TOGARAM2: variants seen among roughly 807,000 people sequenced by gnomAD.
The protein encoded by TOGARAM2 is TOG array regulator of axonemal microtubules 2.
Under a neutral mutation model 93.3 loss-of-function variants are expected in TOGARAM2, and 85 were observed. That is an observed-to-expected ratio of 0.91 (90% CI 0.76 to 1.09). The LOEUF is 1.09. Among genes scored for constraint, TOGARAM2 ranks in the 50% least tolerant of loss-of-function variants. TOGARAM2 has a pLI of 0.00. For missense variants in TOGARAM2, 1,277 were observed against 1,334.5 expected (o/e 0.96, Z 0.67); for synonymous variants, 593 against 552.8 (o/e 1.07, Z -1.02).
At chr2:29,008,664 C>T (rs927160991) in intron 6 of TOGARAM2, among the ~76,000 whole-genome samples, 12 of 151,340 alleles carry the variant, frequency 7.9e-5, no homozygotes, top group Non-Finnish European at 1.6e-4. Context: ...ACCATGTTGC[C>T]CAGGCTTGTC....
chr2:29,027,614 C>T (rs1201446810), intron 14 of TOGARAM2, among the ~76,000 whole-genome samples: 13 of 148,660 alleles, frequency 8.7e-5, no homozygotes, highest in Non-Finnish European at 1.8e-4. Context: ...AAAAAAAATG[C>T]TAGGGGTGGT....
chr2:29,004,278 C>T (rs896996003), intron 6 of TOGARAM2, among the ~76,000 whole-genome samples: 8 of 152,166 alleles, frequency 5.3e-5, no homozygotes, highest in African/African-American at 1.9e-4. Flanking sequence ...ACACCGTGCC[C>T]GGCTATGAAT....
At chr2:28,980,502 T>C (rs1167801694), upstream of TOGARAM2, among the ~76,000 whole-genome samples, 1 of 152,220 alleles carries the variant, frequency 6.6e-6, no homozygotes, top group Non-Finnish European at 1.5e-5. Context: ...CAAGCCTGCA[T>C]ACAAATTGAG....
At chr2:29,024,402 C>T (rs369843706) in intron 13 of TOGARAM2, 28 bp downstream of exon 13, 212 of 1,306,400 alleles carry the variant, frequency 1.6e-4, no homozygotes, top group Non-Finnish European at 1.9e-4. Flanking sequence ...GTCTGAGGGG[C>T]GGGGAAGTCA....
chr2:29,033,094 G>A (rs1665870507), intron 15 of TOGARAM2, 43 bp downstream of exon 15: 1 of 1,537,598 alleles, frequency 6.5e-7, no homozygotes, highest in Non-Finnish European at 8.9e-7. Context: ...TTTGGGGGTG[G>A]GGGTGACAGT....
At chr2:29,009,542 G>T (rs566570203) in intron 6 of TOGARAM2, among the ~76,000 whole-genome samples, 2 of 151,078 alleles carry the variant, frequency 1.3e-5, no homozygotes, top group Non-Finnish European at 3.0e-5. Context: ...GGGGCGGGGC[G>T]GGATGAATGG....
At chr2:29,024,932 G>T (rs1022453174) in intron 13 of TOGARAM2, among the ~76,000 whole-genome samples, 1 of 152,164 alleles carries the variant, frequency 6.6e-6, no homozygotes, top group Admixed American at 6.5e-5. Context: ...GAAGGTATTG[G>T]GTTCCTGTTG....
intron 18 of TOGARAM2, among the ~76,000 whole-genome samples, chr2:29,038,963 C>T (rs1666274672): frequency 6.6e-6 from 1 of 152,098 alleles, no homozygotes; most frequent in Non-Finnish European, 1.5e-5. Flanking sequence ...CCAGGGAGTA[C>T]CTAGGGTAGA....
At chr2:29,010,022 A>G (rs997141162) in intron 6 of TOGARAM2, among the ~76,000 whole-genome samples, 1 of 93,582 alleles carries the variant, frequency 1.1e-5, no homozygotes, top group Non-Finnish European at 2.4e-5. Context: ...TCCCTTGCTC[A>G]GAGCAGGTGT....
chr2:29,022,984 C>T (rs1009741701), intron 11 of TOGARAM2, 102 bp from the exon 12 acceptor site: 19 of 926,532 alleles, frequency 2.1e-5, no homozygotes, highest in African/African-American at 6.6e-5. Context: ...CTGCGGGTGA[C>T]GGTGGACCGT....
At position 29,003,592 on chromosome 2, in the gene TOGARAM2, C is replaced by T. The variant is rs1192008144; in HGVS notation, c.740C>T (p.Ala247Val). The change falls in exon 6 of 20, where the codon GCA becomes GTA. Residue 247 changes from alanine (A) to valine (V), a missense_variant. Physicochemically the swap from Ala to Val is moderately conservative, Grantham distance 64. Coordinates refer to ENST00000379558, the MANE Select transcript of TOGARAM2 (RefSeq NM_199280.4). ...IPPIPKARTV[A>V]ATPSRVPGSL... is the part of the protein sequence containing the mutation. ...CCCATCCCAAAGGCCAGGACGGTTG[C>T]AGCGACCCCCTCCCGTGTGCCTGGC... 6.3e-7 allele frequency: 1 copy of T among 1,595,764 alleles called. No individual in the cohort carries two copies. Among genetic ancestry groups the T allele is most frequent in the Non-Finnish European group, 8.5e-7 (1 of 1,171,986 alleles).
chr2:29,005,188 AGTGTGTGT>A (rs779972641), intron 6 of TOGARAM2, among the ~76,000 whole-genome samples: 1 of 105,966 alleles, frequency 9.4e-6, no homozygotes, highest in Non-Finnish European at 1.9e-5. Context: ...ATATGTGTGC[AGTGTGTGT>A]GTGCATGTGT....
rs775472725 is a variant in TOGARAM2, at chr2:29,032,918, C to G, written c.2013-16C>G. ...TCAGAGGCTGTTTCTTTATCTTGCT[C>G]TCTCTCCTGTGGCAGATTTTATGGC... On this transcript the variant is annotated splice_polypyrimidine_tract_variant and intron_variant, in intron 14 of 19. Transcript: ENST00000379558. The G allele has an allele frequency of 2.2e-5, 36 of 1,607,638 alleles. No individual in the cohort carries two copies. The highest frequency in any genetic ancestry group is 2.8e-5 in the Non-Finnish European group (33 of 1,175,692).
At chr2:29,046,760 C>A (rs978012833) in intron 19 of TOGARAM2, 1 of 152,474 alleles carries the variant, frequency 6.6e-6, no homozygotes, top group East Asian at 1.9e-4. Context: ...GGCTGAAGGG[C>A]CAAGACCCCA....
chr2:29,017,988 C>T (rs370521701), intron 10 of TOGARAM2, 32 bp downstream of exon 10: 237 of 1,553,360 alleles, frequency 1.5e-4, no homozygotes, highest in Non-Finnish European at 1.9e-4. Flanking sequence ...GCACACGTGT[C>T]CCTCTGCCCA....
chr2:29,028,151 A>G (rs1665526256), intron 14 of TOGARAM2, among the ~76,000 whole-genome samples: 1 of 152,132 alleles, frequency 6.6e-6, no homozygotes, highest in Non-Finnish European at 1.5e-5. Flanking sequence ...TACCACATCC[A>G]TTTGGATGAG....
chr2:29,004,869 ATG>A (rs917502739), intron 6 of TOGARAM2, among the ~76,000 whole-genome samples: 12 of 148,970 alleles, frequency 8.1e-5, no homozygotes, highest in South Asian at 2.1e-4. Context: ...TTGTGTGTGC[ATG>A]TGTGTGGAGT....
At chr2:29,043,195 C>G (rs1340476824) in intron 18 of TOGARAM2, among the ~76,000 whole-genome samples, 1 of 152,196 alleles carries the variant, frequency 6.6e-6, no homozygotes, top group Admixed American at 6.5e-5. Flanking sequence ...TTGCTAATTA[C>G]TATATTCTAG....
chr2:29,023,850 C>G (rs1179054132), intron 12 of TOGARAM2, among the ~76,000 whole-genome samples: 1 of 152,224 alleles, frequency 6.6e-6, no homozygotes, highest in Admixed American at 6.5e-5. Context: ...CTATTTCTCA[C>G]TTGGTAGTTG....
Sources: gnomAD v4.1 joint callset for allele counts (sites outside exome capture counted in the v4.1 genomes callset) on GRCh38, gnomAD v4.1.1 for gene constraint, MANE v1.5 for transcripts, NCBI Gene and HGNC (gene_info 2026-07-23, HGNC 2026-07-21) for gene names.